Variants in NDST3 observed in about 807,000 individuals in gnomAD.
NDST3 encodes the protein N-deacetylase and N-sulfotransferase 3.
Under a neutral mutation model 96.1 loss-of-function variants are expected in NDST3, and 58 were observed. The observed-to-expected ratio is 0.60, with a 90% CI of 0.49 to 0.75. NDST3 has a LOEUF of 0.75. Among genes scored for constraint, NDST3 ranks in the 30% least tolerant of loss-of-function variants. The pLI is 0.00. For synonymous variants in NDST3, 333 were observed against 359.7 expected (o/e 0.93, Z 0.84); for missense variants, 788 against 1,034.2 (o/e 0.76, Z 3.27).
Position 118,204,436 on chromosome 4 carries a change from C to A in NDST3, c.1540-20055C>A, listed in dbSNP as rs1426404077. Among the ~76,000 whole-genome samples the A allele has an allele frequency of 1.4e-5, 2 of 144,508 alleles. 1 individual carries two copies. The highest frequency in any genetic ancestry group is 3.1e-5 in the Non-Finnish European group (2 of 65,256). The allele number at this position is 144,508 out of a possible 152,430, so 94.8% of individuals were successfully genotyped here. A position where few individuals can be genotyped will look rare whatever the true frequency, so the allele number is the denominator to read the frequency against. On this transcript the variant is annotated intron_variant, in intron 6 of 13. Transcript: ENST00000296499. ...AGCCACGTGGTGGAAGATTTACGGT[C>A]ACAAAAAGGAAAGTGACATACAGAA...
At chr4:118,112,394 G>T (rs1281363691) in intron 3 of NDST3, among the ~76,000 whole-genome samples, 1 of 152,202 alleles carries the variant, frequency 6.6e-6, no homozygotes. Context: ...AGCAGTGGGA[G>T]AGGAGACTTC....
At chr4:118,066,206 T>C (rs1726369768) in intron 2 of NDST3, among the ~76,000 whole-genome samples, 2 of 71,160 alleles carry the variant, frequency 2.8e-5, no homozygotes, top group African/African-American at 1.1e-4. Flanking sequence ...TTATATTTTA[T>C]ATATTATACA....
In NDST3 at chr4:118,254,348, A is replaced by C. The variant is rs1449720114; in HGVS notation, c.2502+747A>C. On this transcript the variant is annotated intron_variant, in intron 13 of 13. Coordinates refer to ENST00000296499, the MANE Select transcript of NDST3 (RefSeq NM_004784.3). ...TGTAAGTTACTGATATAATATACTA[A>C]GTTTTGAGCTGTTAATATGCTAATA... 2.0e-5 allele frequency among the ~76,000 whole-genome samples: 3 copies of C among 152,172 alleles called. No homozygotes were observed. The East Asian group carries it at 5.8e-4, about 29-fold the overall frequency.
intron 4 of NDST3, among the ~76,000 whole-genome samples, chr4:118,133,779 A>G (rs540007807): frequency 2.6e-5 from 4 of 152,342 alleles, no homozygotes; most frequent in African/African-American, 9.6e-5. Flanking sequence ...TGTAATGAAG[A>G]TAATTGAGAA....
intron 12 of NDST3, among the ~76,000 whole-genome samples, chr4:118,250,179 T>G (rs1448259846): frequency 6.6e-6 from 1 of 152,242 alleles, no homozygotes; most frequent in Non-Finnish European, 1.5e-5. Flanking sequence ...TGTGTGGACA[T>G]ACATTTGCAT....
intron 3 of NDST3, among the ~76,000 whole-genome samples, chr4:118,107,051 C>T (rs1183324781): frequency 6.6e-6 from 1 of 152,146 alleles, no homozygotes; most frequent in Non-Finnish European, 1.5e-5. Flanking sequence ...GATTGCGCCA[C>T]TGCACTCCAG....
intron 4 of NDST3, among the ~76,000 whole-genome samples, chr4:118,124,348 G>T (rs1393765307): frequency 1.3e-5 from 2 of 151,858 alleles, no homozygotes; most frequent in Non-Finnish European, 2.9e-5. Flanking sequence ...GCTTGTTTTT[G>T]TTTCCCCCAA....
At chr4:118,226,554 T>C (rs756073744) in intron 7 of NDST3, among the ~76,000 whole-genome samples, 1 of 152,116 alleles carries the variant, frequency 6.6e-6, no homozygotes, top group Non-Finnish European at 1.5e-5. Flanking sequence ...TCTTTTAGGT[T>C]AGCAGGAAGC....
Position 118,207,332 on chromosome 4 carries a change from G to A in NDST3, c.1540-17159G>A, listed in dbSNP as rs1471924800. On this transcript the variant is annotated intron_variant, in intron 6 of 13. Transcript: ENST00000296499. ...GGAAAATTTATAAAGAAAGAATATG[G>A]ACTTAGAAGAACAGAAATTTGTAGA... Among the ~76,000 whole-genome samples, 4 of 144,444 alleles carry A rather than the reference G, an allele frequency of 2.8e-5. 1 individual carries two copies. The highest frequency in any genetic ancestry group is 6.1e-5 in the Non-Finnish European group (4 of 65,186). The allele number at this position is 144,444 out of a possible 152,430, so 94.8% of individuals were successfully genotyped here.
At chr4:118,134,719 G>A (rs1390085714) in intron 4 of NDST3, among the ~76,000 whole-genome samples, 1 of 152,116 alleles carries the variant, frequency 6.6e-6, no homozygotes, top group African/African-American at 2.4e-5. Context: ...GAAATCATGA[G>A]TTCAACTATT....
intron 6 of NDST3, among the ~76,000 whole-genome samples, chr4:118,216,877 A>G (rs894155952): frequency 4.6e-5 from 7 of 152,228 alleles, no homozygotes; most frequent in Admixed American, 3.9e-4. Flanking sequence ...TACAAATAAG[A>G]TTACTGGAGC....
intron 4 of NDST3, among the ~76,000 whole-genome samples, chr4:118,119,781 T>G (rs574853634): frequency 6.6e-6 from 1 of 152,266 alleles, no homozygotes; most frequent in South Asian, 2.1e-4. Flanking sequence ...TGCTACCACA[T>G]CAGATTCTTC....
intron 2 of NDST3, among the ~76,000 whole-genome samples, chr4:118,088,448 G>A (rs957144315): frequency 2.0e-5 from 3 of 152,002 alleles, no homozygotes; most frequent in African/African-American, 7.2e-5. Context: ...AATGCACTTT[G>A]TTTTCTCAGC....
At chr4:118,102,518 A>G (rs1729844910) in intron 2 of NDST3, among the ~76,000 whole-genome samples, 2 of 152,140 alleles carry the variant, frequency 1.3e-5, no homozygotes, top group African/African-American at 4.8e-5. Context: ...TATACAGAAT[A>G]AAGTATAATT....
intron 6 of NDST3, among the ~76,000 whole-genome samples, chr4:118,188,328 T>G (rs13120016): frequency 0.043 from 6,391 of 148,140 alleles, 207 homozygotes; most frequent in Non-Finnish European, 0.069. Context: ...TATTAATAAT[T>G]TATATATTAA....
intron 1 of NDST3, among the ~76,000 whole-genome samples, chr4:118,042,882 GTC>G (rs879323794): frequency 2.3e-3 from 341 of 150,882 alleles, no homozygotes; most frequent in Non-Finnish European, 3.9e-3. Flanking sequence ...CTTTCTCTCT[GTC>G]TCTCTCTCTC....
At chr4:118,159,001 T>C (rs1054158002) in intron 6 of NDST3, among the ~76,000 whole-genome samples, 1 of 152,166 alleles carries the variant, frequency 6.6e-6, no homozygotes, top group Non-Finnish European at 1.5e-5. Context: ...AACACTCACT[T>C]GCCATAGTCC....
chr4:118,194,837 CA>C lies in NDST3; in HGVS notation c.1540-29653del, dbSNP rs1737563843. 4.9e-5 allele frequency: 16 copies of C among 329,006 alleles called. No individual in the cohort carries two copies. The South Asian group carries it at 7.2e-4, about 15-fold the overall frequency. 20.4% of individuals were successfully genotyped at this position (329,006 alleles called of 1,614,324 possible). On this transcript the variant is annotated intron_variant, in intron 6 of 13. Transcript: ENST00000296499. ...GCAGGGGTGCTACCTTCAGGGTGTG[CA>C]GGAGGCCAGGTGCTGTGGTGCTGAC...
At position 118,170,417 on chromosome 4, in the gene NDST3, TAAAG is replaced by T. The variant is rs1176008273; in HGVS notation, c.1539+26735_1539+26738del. Among the ~76,000 whole-genome samples the T allele has an allele frequency of 1.2e-4, 19 of 152,158 alleles. No individual in the cohort carries two copies. The East Asian group carries it at 1.5e-3, about 12-fold the overall frequency. The stretch of plus-strand genomic sequence containing the variant: ...TCAAATGATTCAGCAAAATAAAAAA[TAAAG>T]AGAGAGACCGGGCACCATGGCTCAC... On this transcript the variant is annotated intron_variant, in intron 6 of 13. Coordinates refer to ENST00000296499, the MANE Select transcript of NDST3 (RefSeq NM_004784.3).
Sources: allele counts gnomAD v4.1 joint callset (sites outside exome capture counted in the v4.1 genomes callset), GRCh38; gene constraint gnomAD v4.1.1; transcripts MANE v1.5; gene names NCBI Gene and HGNC (gene_info 2026-07-23, HGNC 2026-07-21).